Variants in NCKAP1 observed in about 807,000 individuals in gnomAD.
NCKAP1 encodes the protein nck-associated protein 1.
NCKAP1 carries 21 observed loss-of-function variants against 151.2 expected under a neutral mutation model. The observed-to-expected ratio is 0.14, with a 90% CI of 0.10 to 0.20. The LOEUF (loss-of-function observed/expected upper bound fraction) is 0.20. Among genes scored for constraint, NCKAP1 ranks in the 10% least tolerant of loss-of-function variants. The pLI, the probability that NCKAP1 is intolerant of heterozygous loss-of-function variation, is 1.00. For synonymous variants in NCKAP1, 484 were observed against 451.8 expected (o/e 1.07, Z -0.90); for missense variants, 933 against 1,352.1 (o/e 0.69, Z 4.86).
Position 183,003,027 on chromosome 2 carries a change from G to C in NCKAP1, c.316C>G (p.His106Asp). The part of the protein sequence containing the change: ...TFVDVMEFKD[H>D]VCELLNTIDV... ...ATAGTATTCAGCAATTCACAAACATGGTCCTGAAAAGAAATACTTATTTTA... is the reference window on the plus strand; with the variant it reads ...ATAGTATTCAGCAATTCACAAACATCGTCCTGAAAAGAAATACTTATTTTA... The change falls in exon 4 of 31, where the codon CAT becomes GAT. Residue 106 changes from histidine (H) to aspartate (D), a missense_variant. By Grantham distance (81) the His-to-Asp change is moderately conservative. Transcript: ENST00000361354. The C allele has an allele frequency of 6.2e-7, 1 of 1,605,262 alleles. No individual in the cohort carries two copies. The highest frequency in any genetic ancestry group is 8.5e-7 in the Non-Finnish European group (1 of 1,174,262).
chr2:182,928,427 G>A (rs897110467), intron 28 of NCKAP1, among the ~76,000 whole-genome samples: 5 of 152,182 alleles, frequency 3.3e-5, no homozygotes, highest in Non-Finnish European at 5.9e-5. Flanking sequence ...ACAAACGATC[G>A]TGTATATGTT....
intron 30 of NCKAP1, among the ~76,000 whole-genome samples, chr2:182,926,499 A>C (rs1261254693): frequency 1.3e-5 from 2 of 152,090 alleles, no homozygotes; most frequent in Non-Finnish European, 1.5e-5. Flanking sequence ...GAATGTAGAA[A>C]ACTCAGAAAA....
At chr2:182,959,838 C>A (rs1053916080) in intron 18 of NCKAP1, among the ~76,000 whole-genome samples, 4 of 152,100 alleles carry the variant, frequency 2.6e-5, no homozygotes, top group African/African-American at 9.7e-5. Flanking sequence ...TCTAGAAAAC[C>A]CCATTGTCTC....
At chr2:182,936,221 A>G (rs989286203) in intron 24 of NCKAP1, among the ~76,000 whole-genome samples, 4 of 152,148 alleles carry the variant, frequency 2.6e-5, no homozygotes. Context: ...ACTGCACATC[A>G]GCCTGGGTAA....
In NCKAP1 at chr2:182,995,730, T is replaced by C; in HGVS notation, c.712A>G (p.Thr238Ala). ...TCGGACTGTGCTGGATTAAGCATTG[T>C]ACTAGGTGCACTGATGAGGCTCAAT... ...QLLSLISAPSTMLNPAQSDTM... is the reference protein window; with the variant it reads ...QLLSLISAPSAMLNPAQSDTM... Residue 238 changes from threonine (T) to alanine (A), a missense_variant, in exon 7 of 31, where the codon ACA becomes GCA. This residue lies in a region of NCKAP1 where 607 missense variants were observed against 795.0 expected (regional missense o/e 0.76). Coordinates refer to ENST00000361354, the MANE Select transcript of NCKAP1 (RefSeq NM_013436.5). 2 of 1,614,068 alleles carry C rather than the reference T, an allele frequency of 1.2e-6. No homozygotes were observed. The highest frequency in any genetic ancestry group is 1.3e-5 in the African/African-American group (1 of 75,054).
chr2:182,958,504 A>G (rs1028703603), intron 18 of NCKAP1, among the ~76,000 whole-genome samples: 7 of 152,206 alleles, frequency 4.6e-5, no homozygotes, highest in Non-Finnish European at 7.3e-5. Context: ...CTGAAAAAGG[A>G]AAATTGTAAC....
chr2:182,951,590 T>C (rs763184461), intron 23 of NCKAP1, among the ~76,000 whole-genome samples: 1 of 147,264 alleles, frequency 6.8e-6, no homozygotes. Flanking sequence ...TGAGTTGAGA[T>C]TGTGCCACTG....
At chr2:182,929,983 A>G (rs570883877) in intron 27 of NCKAP1, among the ~76,000 whole-genome samples, 2 of 152,090 alleles carry the variant, frequency 1.3e-5, no homozygotes, top group African/African-American at 4.8e-5. Context: ...TAGTACAATA[A>G]AAACAGAATA....
At chr2:182,997,911 T>C (rs567732110) in intron 6 of NCKAP1, among the ~76,000 whole-genome samples, 4 of 152,200 alleles carry the variant, frequency 2.6e-5, no homozygotes, top group Admixed American at 1.3e-4. Flanking sequence ...CTGATGAACA[T>C]AGACACAAAA....
In NCKAP1 at chr2:182,924,623, A is replaced by T. The variant is rs935596378; in HGVS notation, c.*1079T>A. 6.6e-6 allele frequency: 1 copy of T among 152,164 alleles called. No homozygotes were observed. The highest frequency in any genetic ancestry group is 6.5e-5 in the Admixed American group (1 of 15,274). The allele number at this position is 152,164 out of a possible 1,614,324, so 9.4% of individuals were successfully genotyped here. On this transcript the variant is annotated 3_prime_UTR_variant, in exon 31 of 31. Coordinates refer to ENST00000361354, the MANE Select transcript of NCKAP1 (RefSeq NM_013436.5). ...AATAACTCTATTTGGTTACAGATAA[A>T]ATGAGCAAGTTGACAGCATACAAGT...
intron 17 of NCKAP1, among the ~76,000 whole-genome samples, chr2:182,963,063 A>G (rs887282417): frequency 3.9e-5 from 6 of 152,068 alleles, no homozygotes; most frequent in Non-Finnish European, 8.8e-5. Context: ...CAGTATTTAT[A>G]TGATGAAATA....
At chr2:182,933,021 A>G (rs968613626) in intron 26 of NCKAP1, among the ~76,000 whole-genome samples, 3 of 152,208 alleles carry the variant, frequency 2.0e-5, no homozygotes, top group African/African-American at 7.2e-5. Flanking sequence ...TATAAATATA[A>G]GTAGAAAAAT....
Position 182,976,961 on chromosome 2 carries a change from T to C in NCKAP1, c.1424-10A>G, listed in dbSNP as rs767373460. The C allele has an allele frequency of 3.7e-5, 54 of 1,458,944 alleles. No individual in the cohort carries two copies. The highest frequency in any genetic ancestry group is 9.9e-5 in the East Asian group (4 of 40,426). 90.4% of individuals were successfully genotyped at this position (1,458,944 alleles called of 1,614,324 possible). On this transcript the variant is annotated splice_polypyrimidine_tract_variant and intron_variant, in intron 14 of 30. Coordinates refer to ENST00000361354, the MANE Select transcript of NCKAP1 (RefSeq NM_013436.5). ...ACTTCCCCATCTTCAACTGTAGTAATAGAAAAAAAAAAAAGATTACAAAGC... is the reference window on the plus strand; with the variant it reads ...ACTTCCCCATCTTCAACTGTAGTAACAGAAAAAAAAAAAAGATTACAAAGC...
chr2:182,995,929 A>C (rs1212157737), intron 6 of NCKAP1, 91 bp from the exon 7 acceptor site: 1 of 1,134,432 alleles, frequency 8.8e-7, no homozygotes, highest in Non-Finnish European at 1.3e-6. Context: ...TTCTAACTAT[A>C]CCATCATAAA....
In NCKAP1 at chr2:182,916,361, T is replaced by C. The variant is rs1357871921; in HGVS notation, c.*9341A>G. The C allele has an allele frequency of 6.6e-6, 1 of 152,116 alleles. No individual in the cohort carries two copies. The highest frequency in any genetic ancestry group is 1.5e-5 in the Non-Finnish European group (1 of 68,026). 9.4% of individuals were successfully genotyped at this position (152,116 alleles called of 1,614,324 possible). ...AGGTCTGTAGCATCTGTCCAGCCAC[T>C]GGCCTTTCCTAACTTAAAGTAAGAT... On this transcript the variant is annotated 3_prime_UTR_variant, in exon 31 of 31. Transcript: ENST00000361354.
chr2:182,982,217 T>C (rs994837612), intron 12 of NCKAP1, among the ~76,000 whole-genome samples: 3 of 152,128 alleles, frequency 2.0e-5, no homozygotes, highest in African/African-American at 7.2e-5. Flanking sequence ...AAAAACTTTA[T>C]CACCACAAAG....
At chr2:182,996,341 G>T (rs952372680) in intron 6 of NCKAP1, among the ~76,000 whole-genome samples, 5 of 152,128 alleles carry the variant, frequency 3.3e-5, no homozygotes, top group African/African-American at 1.2e-4. Flanking sequence ...TTATCAACGG[G>T]TTTGTTGATT....
At chr2:183,005,162 T>C (rs922287660) in intron 2 of NCKAP1, among the ~76,000 whole-genome samples, 2 of 152,188 alleles carry the variant, frequency 1.3e-5, no homozygotes, top group Non-Finnish European at 2.9e-5. Flanking sequence ...TTTTCCTGCT[T>C]TTCAGTACTT....
At chr2:182,980,994 ATCT>A in intron 13 of NCKAP1, among the ~76,000 whole-genome samples, 1 of 152,202 alleles carries the variant, frequency 6.6e-6, no homozygotes, top group East Asian at 1.9e-4. Flanking sequence ...GTACACCTCC[ATCT>A]TCAGGATAAA....
Sources: gnomAD v4.1 joint callset for allele counts (sites outside exome capture counted in the v4.1 genomes callset) on GRCh38, gnomAD v4.1.1 for gene constraint, gnomAD v4.1.1 regional missense constraint, MANE v1.5 for transcripts, NCBI Gene and HGNC (gene_info 2026-07-23, HGNC 2026-07-21) for gene names.